Variants in DHX35 observed in about 807,000 individuals in gnomAD.
DHX35 encodes probable ATP-dependent RNA helicase DHX35.
In DHX35, 84 loss-of-function variants were observed where a neutral mutation model predicts 99.6. That is an observed-to-expected ratio of 0.84 (90% CI 0.71 to 1.01). DHX35 has a LOEUF of 1.01. Among genes scored for constraint, DHX35 ranks in the 50% least tolerant of loss-of-function variants. DHX35 has a pLI of 0.00. For missense variants in DHX35, 852 were observed against 888.5 expected (o/e 0.96, Z 0.52); for synonymous variants, 331 against 316.2 (o/e 1.05, Z -0.50).
At chr20:38,997,018 A>G (rs1280954597) in intron 8 of DHX35, among the ~76,000 whole-genome samples, 1 of 152,010 alleles carries the variant, frequency 6.6e-6, no homozygotes, top group East Asian at 1.9e-4. Context: ...GTTGAAAACT[A>G]TAATGTCCAA....
intron 8 of DHX35, among the ~76,000 whole-genome samples, chr20:38,996,567 A>C (rs574093432): frequency 3.9e-4 from 59 of 152,250 alleles, no homozygotes; most frequent in African/African-American, 1.3e-3. Flanking sequence ...TGTGTATAGG[A>C]GATGAGAGTA....
At position 39,023,585 on chromosome 20, in the gene DHX35, T is replaced by C. The variant is rs1033003411; in HGVS notation, c.1594-105T>C. ...CCAGGCTGGTCTCGAACTTCTGGGTTCAGGCAATCCTCCCACCTTAGCCTC... is the reference window on the plus strand; with the variant it reads ...CCAGGCTGGTCTCGAACTTCTGGGTCCAGGCAATCCTCCCACCTTAGCCTC... On this transcript the variant is annotated intron_variant, in intron 16 of 21. Coordinates refer to ENST00000252011, the MANE Select transcript of DHX35 (RefSeq NM_021931.4). The C allele has an allele frequency of 9.5e-6, 10 of 1,050,046 alleles. No homozygotes were observed. The African/African-American group carries it at 1.4e-4, about 15-fold the overall frequency. 65.0% of individuals were successfully genotyped at this position (1,050,046 alleles called of 1,614,324 possible). A position where few individuals can be genotyped will look rare whatever the true frequency, so the allele number is the denominator to read the frequency against.
chr20:39,035,606 CAT>C (rs2087138215), intron 21 of DHX35, among the ~76,000 whole-genome samples: 1 of 152,188 alleles, frequency 6.6e-6, no homozygotes, highest in South Asian at 2.1e-4. Context: ...TCTTGAAAGA[CAT>C]GTTTAGTCTG....
At chr20:39,031,129 T>G (rs944034287) in intron 20 of DHX35, among the ~76,000 whole-genome samples, 1 of 151,664 alleles carries the variant, frequency 6.6e-6, no homozygotes, top group Non-Finnish European at 1.5e-5. Context: ...ACCACTGCAC[T>G]CTAGCCTGGG....
intron 1 of DHX35, among the ~76,000 whole-genome samples, chr20:38,963,805 G>A (rs2085870639): frequency 6.6e-6 from 1 of 152,180 alleles, no homozygotes; most frequent in South Asian, 2.1e-4. Flanking sequence ...TCAAGTTACT[G>A]TCTCTCTCTT....
intron 21 of DHX35, 27 bp from the exon 22 acceptor site, chr20:39,038,472 A>T: frequency 6.2e-7 from 1 of 1,613,548 alleles, no homozygotes; most frequent in African/African-American, 1.3e-5. Flanking sequence ...ATCAACCCCA[A>T]CTGTAGTGTC....
chr20:38,979,854 TAA>T (rs11476489), intron 3 of DHX35, among the ~76,000 whole-genome samples: 1 of 140,704 alleles, frequency 7.1e-6, no homozygotes, highest in Admixed American at 7.1e-5. Flanking sequence ...TAGAGTTCTG[TAA>T]AAAAAAAAAA....
At chr20:39,000,030 G>A (rs1270235035) in intron 8 of DHX35, among the ~76,000 whole-genome samples, 1 of 152,220 alleles carries the variant, frequency 6.6e-6, no homozygotes, top group Non-Finnish European at 1.5e-5. Context: ...TTGCAGATGA[G>A]AGAGCTGACT....
chr20:38,991,768 C>T (rs2086341302), intron 6 of DHX35, among the ~76,000 whole-genome samples: 1 of 152,188 alleles, frequency 6.6e-6, no homozygotes, highest in Non-Finnish European at 1.5e-5. Flanking sequence ...TTTATTTTGC[C>T]TTGTCACACT....
intron 18 of DHX35, among the ~76,000 whole-genome samples, chr20:39,025,933 T>C (rs2086949778): frequency 6.6e-6 from 1 of 152,162 alleles, no homozygotes; most frequent in South Asian, 2.1e-4. Context: ...CTGTGAGGTG[T>C]CGGTAATGTT....
chr20:38,988,941 C>T (rs1410412492), intron 5 of DHX35, 24 bp downstream of exon 5: 3 of 1,606,114 alleles, frequency 1.9e-6, no homozygotes, highest in Non-Finnish European at 2.6e-6. Context: ...GCTGCTTTTC[C>T]TAGTGGAAAT....
intron 15 of DHX35, 144 bp from the exon 16 acceptor site, chr20:39,021,697 A>T: frequency 1.3e-6 from 1 of 778,602 alleles, no homozygotes; most frequent in Non-Finnish European, 2.2e-6. Flanking sequence ...GCCCAGGCTT[A>T]TATACTATAC....
At chr20:38,964,692 G>A (rs929368849) in intron 1 of DHX35, among the ~76,000 whole-genome samples, 3 of 152,194 alleles carry the variant, frequency 2.0e-5, no homozygotes, top group African/African-American at 7.2e-5. Flanking sequence ...GCCTCCCAAA[G>A]TGTTGGGATT....
At chr20:39,010,844 C>T (rs1027037672) in intron 13 of DHX35, among the ~76,000 whole-genome samples, 2 of 152,040 alleles carry the variant, frequency 1.3e-5, no homozygotes, top group Admixed American at 6.5e-5. Context: ...GCAGGAAGAC[C>T]CTTGTGCCTG....
At chr20:38,966,108 G>T (rs1200122495) in intron 1 of DHX35, among the ~76,000 whole-genome samples, 1 of 152,224 alleles carries the variant, frequency 6.6e-6, no homozygotes, top group Non-Finnish European at 1.5e-5. Flanking sequence ...TGGGTCACCA[G>T]TAAAATTTTT....
chr20:39,012,676 A>G (rs2086722860), intron 13 of DHX35, among the ~76,000 whole-genome samples: 1 of 152,090 alleles, frequency 6.6e-6, no homozygotes, highest in South Asian at 2.1e-4. Flanking sequence ...ACTACAGGAA[A>G]GAGCCACCAT....
At chr20:39,027,862 A>G (rs7354179) in intron 18 of DHX35, among the ~76,000 whole-genome samples, 2 of 152,382 alleles carry the variant, frequency 1.3e-5, no homozygotes, top group South Asian at 2.1e-4. Flanking sequence ...AATGTATCCT[A>G]TGGACATCAT....
At chr20:39,015,559 G>T (rs751994598) in intron 14 of DHX35, among the ~76,000 whole-genome samples, 2 of 152,184 alleles carry the variant, frequency 1.3e-5, no homozygotes, top group Admixed American at 1.3e-4. Flanking sequence ...GCTTTGGGGA[G>T]TACTGTTTCT....
At chr20:38,977,283 C>G (rs1176406400) in intron 3 of DHX35, among the ~76,000 whole-genome samples, 1 of 152,010 alleles carries the variant, frequency 6.6e-6, no homozygotes. Flanking sequence ...TGATAGTAGC[C>G]ATTCTATCTG....
Sources: gnomAD v4.1 joint callset for allele counts (sites outside exome capture counted in the v4.1 genomes callset) on GRCh38, gnomAD v4.1.1 for gene constraint, MANE v1.5 for transcripts, NCBI Gene and HGNC (gene_info 2026-07-23, HGNC 2026-07-21) for gene names.